SCN7A: variants seen among roughly 807,000 people sequenced by gnomAD.
The protein encoded by SCN7A is sodium voltage-gated channel alpha subunit 7.
Under a neutral mutation model 155.2 loss-of-function variants are expected in SCN7A, and 138 were observed. The observed-to-expected ratio is 0.89, with a 90% CI of 0.77 to 1.02. SCN7A has a LOEUF of 1.02. SCN7A is among the 50% of genes least tolerant of loss of function. The pLI is 0.00. For missense variants in SCN7A, 2,058 were observed against 1,986.6 expected (o/e 1.04, Z -0.68); for synonymous variants, 693 against 649.0 (o/e 1.07, Z -1.03).
At chr2:166,482,450 C>T (rs958694629) in intron 2 of SCN7A, among the ~76,000 whole-genome samples, 11 of 151,884 alleles carry the variant, frequency 7.2e-5, no homozygotes, top group Non-Finnish European at 5.9e-5. Context: ...TAATCTTGGA[C>T]TCTTCATTTT....
intron 1 of SCN7A, among the ~76,000 whole-genome samples, chr2:166,493,117 C>T (rs1385880107): frequency 1.3e-5 from 2 of 152,112 alleles, no homozygotes; most frequent in African/African-American, 4.8e-5. Flanking sequence ...TATTACAGGG[C>T]CCACTTTCCT....
intron 21 of SCN7A, among the ~76,000 whole-genome samples, chr2:166,415,891 G>A (rs985174261): frequency 6.6e-6 from 1 of 152,128 alleles, no homozygotes; most frequent in Admixed American, 6.6e-5. Context: ...CTGATTGCCT[G>A]CGGGGTTGGG....
chr2:166,457,031 C>T lies in SCN7A; in HGVS notation c.1129G>A (p.Val377Ile). The T allele has an allele frequency of 1.2e-6, 2 of 1,610,242 alleles. No individual in the cohort carries two copies. The highest frequency in any genetic ancestry group is 1.7e-6 in the Non-Finnish European group (2 of 1,178,634). ...GKVYMIFFVV[V>I]SFLFSFYMAS... ...ATATAAAAGGAAAACAAAAAACTTACCACCACAAAAAATATCATGTAGACC... is the reference window on the plus strand; with the variant it reads ...ATATAAAAGGAAAACAAAAAACTTATCACCACAAAAAATATCATGTAGACC... The change falls in exon 11 of 26, where the codon GTA becomes ATA. Residue 377 changes from valine to isoleucine, a missense_variant. Transcript: ENST00000643258.
chr2:166,473,816 T>C lies in SCN7A; in HGVS notation c.426A>G (p.Lys142=), dbSNP rs750510078. 1.3e-6 allele frequency: 2 copies of C among 1,521,250 alleles called. No individual in the cohort carries two copies. The highest frequency in any genetic ancestry group is 2.8e-5 in the African/African-American group (2 of 72,360). 94.2% of individuals were successfully genotyped at this position (1,521,250 alleles called of 1,614,324 possible). ...TAACATACTCTAATACTGGTCTCCA[T>C]TTTGGCAAATTAGTCAGGGACATGA... ...CVFMSLTNLP[K]WRPVLENTLL... is the part of the protein sequence containing the mutation. Residue 142 remains lysine, a synonymous_variant, in exon 5 of 26, where the codon AAA becomes AAG. Transcript: ENST00000643258.
chr2:166,472,463 TATAAATATTATTGGTGAGA>T lies in SCN7A; in HGVS notation c.444-37_444-19del. 15 of 1,541,502 alleles carry T rather than the reference TATAAATATTATTGGTGAGA, an allele frequency of 9.7e-6. No homozygotes were observed. The highest frequency in any genetic ancestry group is 1.8e-5 in the Admixed American group (1 of 56,450). ...AAGTATTCCTGCAGAAATTTTTTCA[TATAAATATTATTGGTGAGA>T]ATAATACATTGTCAACTCTGAAATA... On this transcript the variant is annotated intron_variant, in intron 5 of 25. Coordinates refer to ENST00000643258, the MANE Select transcript of SCN7A (RefSeq NM_002976.4).
chr2:166,491,576 C>T (rs190390095), intron 1 of SCN7A, among the ~76,000 whole-genome samples: 55 of 152,306 alleles, frequency 3.6e-4, no homozygotes, highest in African/African-American at 1.3e-3. Context: ...TTATCTTTAA[C>T]TTCAAAGGCT....
chr2:166,446,700 A>C (rs1702071025), intron 12 of SCN7A, among the ~76,000 whole-genome samples: 1 of 152,192 alleles, frequency 6.6e-6, no homozygotes, highest in Admixed American at 6.5e-5. Context: ...ATAAAAAAGA[A>C]TGAGTTTATG....
chr2:166,448,440 T>C (rs954568878), intron 11 of SCN7A, among the ~76,000 whole-genome samples: 8 of 152,190 alleles, frequency 5.3e-5, no homozygotes, highest in African/African-American at 1.4e-4. Context: ...TTCTTCAATA[T>C]GCTGACTTTC....
At chr2:166,462,910 ATACT>A (rs1256690332) in intron 9 of SCN7A, among the ~76,000 whole-genome samples, 2 of 152,220 alleles carry the variant, frequency 1.3e-5, no homozygotes, top group East Asian at 1.9e-4. Flanking sequence ...CATACCTCAC[ATACT>A]TATTTTTTTG....
chr2:166,466,084 C>A (rs1575053430), intron 7 of SCN7A, 97 bp from the exon 8 acceptor site: 2 of 775,396 alleles, frequency 2.6e-6, no homozygotes, highest in South Asian at 3.6e-5. Context: ...CCATTGAAAT[C>A]AACAGTTTTA....
chr2:166,439,055 G>GTGTGTGTATATATATATA (rs375208870), intron 15 of SCN7A, among the ~76,000 whole-genome samples: 45 of 113,406 alleles, frequency 4.0e-4, no homozygotes, highest in South Asian at 2.0e-3. Flanking sequence ...GTGTGTGTGT[G>GTGTGTGTATATATATATA]TATATATATA....
At chr2:166,417,202 G>T (rs1701398393) in intron 20 of SCN7A, among the ~76,000 whole-genome samples, 1 of 152,096 alleles carries the variant, frequency 6.6e-6, no homozygotes, top group African/African-American at 2.4e-5. Flanking sequence ...GGCTGGGCGT[G>T]GTGGCTCACG....
rs1401319292 is a variant in SCN7A, at chr2:166,423,301, A to G, written c.2985T>C (p.Tyr995=). The change falls in exon 19 of 26, where the codon TAT becomes TAC. Residue 995 remains tyrosine, a synonymous_variant. Transcript: ENST00000643258. ...CCAGCCTGTACCAGCCATTAGAGAA[A>G]TAGGCCTTAAAACCATATGCCATCC... ...LKWMAYGFKA[Y]FSNGWYRLDF... 1.2e-6 allele frequency: 2 copies of G among 1,611,188 alleles called. No individual in the cohort carries two copies. The highest frequency in any genetic ancestry group is 3.3e-4 in the Middle Eastern group (2 of 6,038).
intron 21 of SCN7A, among the ~76,000 whole-genome samples, chr2:166,414,936 GGAT>G (rs1259045178): frequency 9.6e-6 from 1 of 104,406 alleles, no homozygotes; most frequent in African/African-American, 3.9e-5. Context: ...TTATTATATA[GGAT>G]AATATATAAT....
At chr2:166,415,311 G>T (rs1337620205) in intron 21 of SCN7A, among the ~76,000 whole-genome samples, 1 of 147,466 alleles carries the variant, frequency 6.8e-6, no homozygotes, top group African/African-American at 2.5e-5. Flanking sequence ...TGCAACCTCC[G>T]CCTCCTAGGT....
chr2:166,473,845 C>A lies in SCN7A; in HGVS notation c.397G>T (p.Val133Leu), dbSNP rs141810453. 4 of 1,561,778 alleles carry A rather than the reference C, an allele frequency of 2.6e-6. No homozygotes were observed. The highest frequency in any genetic ancestry group is 3.5e-6 in the Non-Finnish European group (4 of 1,150,040). The part of the protein sequence containing the change: ...FILISVLIDC[V>L]FMSLTNLPKW... ...GGCAAATTAGTCAGGGACATGAATACGCAATCAATCAGGACACTAATTAGA... is the reference window on the plus strand; with the variant it reads ...GGCAAATTAGTCAGGGACATGAATAAGCAATCAATCAGGACACTAATTAGA... Residue 133 changes from valine to leucine, a missense_variant, in exon 5 of 26, where the codon GTA (valine) becomes TTA (leucine). Physicochemically the swap from Val to Leu is conservative, Grantham distance 32. Coordinates refer to ENST00000643258, the MANE Select transcript of SCN7A (RefSeq NM_002976.4).
intron 11 of SCN7A, among the ~76,000 whole-genome samples, chr2:166,456,393 T>A (rs1311715211): frequency 6.6e-6 from 1 of 152,068 alleles, no homozygotes; most frequent in Non-Finnish European, 1.5e-5. Context: ...ATAAAGCAAC[T>A]ATTTAAAATT....
At chr2:166,410,883 T>C (rs539280683) in intron 23 of SCN7A, among the ~76,000 whole-genome samples, 5 of 152,132 alleles carry the variant, frequency 3.3e-5, no homozygotes, top group African/African-American at 1.2e-4. Flanking sequence ...TTCAGTATCT[T>C]ATGTAATATA....
At chr2:166,422,866 G>A (rs888191241) in intron 19 of SCN7A, among the ~76,000 whole-genome samples, 4 of 152,134 alleles carry the variant, frequency 2.6e-5, no homozygotes, top group African/African-American at 9.7e-5. Context: ...AGAGATCTAA[G>A]TGAGAAATTT....
Sources: gnomAD v4.1 joint callset for allele counts (sites outside exome capture counted in the v4.1 genomes callset) on GRCh38, gnomAD v4.1.1 for gene constraint, MANE v1.5 for transcripts, NCBI Gene and HGNC (gene_info 2026-07-23, HGNC 2026-07-21) for gene names.